LMBR1: variants seen among roughly 807,000 people sequenced by gnomAD.
LMBR1 encodes limb region 1 protein homolog.
A neutral mutation model predicts 73.9 loss-of-function variants in LMBR1; 52 were observed. The ratio of observed to expected loss-of-function variants is 0.70; its 90% CI spans 0.56 to 0.89. The LOEUF (loss-of-function observed/expected upper bound fraction) is 0.89. LMBR1 is among the 40% of genes least tolerant of loss of function. LMBR1 has a pLI of 0.00. For missense variants in LMBR1, 539 were observed against 579.8 expected (o/e 0.93, Z 0.72); for synonymous variants, 215 against 209.4 (o/e 1.03, Z -0.23).
intron 9 of LMBR1, among the ~76,000 whole-genome samples, chr7:156,746,926 T>C (rs955552987): frequency 5.9e-5 from 9 of 152,188 alleles, no homozygotes; most frequent in Non-Finnish European, 1.0e-4. Flanking sequence ...AGTGTCAGCA[T>C]TGTCTAGTCA....
intron 15 of LMBR1, among the ~76,000 whole-genome samples, chr7:156,710,006 G>A (rs1368538124): frequency 2.1e-5 from 3 of 141,816 alleles, no homozygotes; most frequent in Non-Finnish European, 4.5e-5. Flanking sequence ...CCGGGTTCAC[G>A]CCATTCTCCT....
intron 4 of LMBR1, among the ~76,000 whole-genome samples, chr7:156,820,804 C>T (rs1480924762): frequency 6.6e-6 from 1 of 152,182 alleles, no homozygotes; most frequent in Admixed American, 6.5e-5. Context: ...GGAGGGAAGG[C>T]TCTGCGGCAG....
chr7:156,858,516 C>G (rs529035408), intron 1 of LMBR1, among the ~76,000 whole-genome samples: 21 of 152,306 alleles, frequency 1.4e-4, no homozygotes, highest in African/African-American at 4.8e-4. Context: ...TCCAAAATAT[C>G]TTACAGATAA....
chr7:156,722,312 C>G (rs1237034854), intron 15 of LMBR1, among the ~76,000 whole-genome samples: 1 of 152,072 alleles, frequency 6.6e-6, no homozygotes, highest in Non-Finnish European at 1.5e-5. Flanking sequence ...GTCTTATAAG[C>G]TTTTCAGCTG....
chr7:156,744,128 G>A (rs1331548604), intron 9 of LMBR1, among the ~76,000 whole-genome samples: 5 of 151,984 alleles, frequency 3.3e-5, no homozygotes, highest in Non-Finnish European at 7.4e-5. Flanking sequence ...GGCTGGACTC[G>A]AACTTCTGGG....
At chr7:156,838,355 A>G (rs896926486) in intron 1 of LMBR1, among the ~76,000 whole-genome samples, 2 of 152,090 alleles carry the variant, frequency 1.3e-5, no homozygotes, top group African/African-American at 4.8e-5. Flanking sequence ...GTACCCTTTG[A>G]CCAACATCTC....
chr7:156,837,987 C>G (rs936162472), intron 1 of LMBR1, among the ~76,000 whole-genome samples: 2 of 151,994 alleles, frequency 1.3e-5, no homozygotes, highest in Non-Finnish European at 2.9e-5. Context: ...GGGGTTTTAC[C>G]ATGTTGGCCA....
At chr7:156,840,898 G>C (rs1253290223) in intron 1 of LMBR1, among the ~76,000 whole-genome samples, 1 of 148,316 alleles carries the variant, frequency 6.7e-6, no homozygotes, top group Admixed American at 6.8e-5. Context: ...CTGGGAGGCA[G>C]AGGTTGCAAT....
Position 156,866,094 on chromosome 7 carries a change from T to C in LMBR1, c.66+26834A>G, listed in dbSNP as rs543460957. Among the ~76,000 whole-genome samples the C allele has an allele frequency of 2.7e-5, 4 of 148,372 alleles. No homozygotes were observed. The South Asian group carries it at 8.4e-4, about 31-fold the overall frequency. On this transcript the variant is annotated intron_variant, in intron 1 of 16. Transcript: ENST00000353442. ...AAAAAAAAAAAATAGAGAAACTGAA[T>C]GTCAACAAAATTTAACTTTTGTCCT...
intron 15 of LMBR1, among the ~76,000 whole-genome samples, chr7:156,697,547 T>G (rs1036048113): frequency 1.3e-5 from 2 of 152,152 alleles, no homozygotes; most frequent in African/African-American, 4.8e-5. Context: ...CCCCCAGGAA[T>G]GCATTCTTTT....
intron 4 of LMBR1, among the ~76,000 whole-genome samples, chr7:156,804,782 C>A (rs981253646): frequency 2.6e-5 from 4 of 151,962 alleles, no homozygotes; most frequent in African/African-American, 9.7e-5. Flanking sequence ...TATTTTCTCC[C>A]AGTCTGTAGA....
At chr7:156,751,177 TAA>T (rs1291187657) in intron 9 of LMBR1, among the ~76,000 whole-genome samples, 1 of 151,946 alleles carries the variant, frequency 6.6e-6, no homozygotes, top group Non-Finnish European at 1.5e-5. Context: ...GGCAATATAC[TAA>T]AAGACTTAAC....
chr7:156,891,225 TATATATATACACAC>T (rs1309174985), intron 1 of LMBR1, among the ~76,000 whole-genome samples: 9 of 77,254 alleles, frequency 1.2e-4, no homozygotes, highest in African/African-American at 3.3e-4. Flanking sequence ...TATATATATA[TATATATATACACAC>T]ACACACACAC....
chr7:156,864,344 G>A (rs934000364), intron 1 of LMBR1, among the ~76,000 whole-genome samples: 4 of 152,012 alleles, frequency 2.6e-5, no homozygotes, highest in African/African-American at 9.7e-5. Context: ...TAAGTTAACA[G>A]CAGCCTATAT....
intron 1 of LMBR1, among the ~76,000 whole-genome samples, chr7:156,855,250 A>C (rs1299949562): frequency 1.3e-5 from 2 of 152,216 alleles, no homozygotes; most frequent in East Asian, 3.8e-4. Flanking sequence ...AATCAAATAT[A>C]CTGTAACAGA....
At chr7:156,770,111 T>C (rs1011662221) in intron 5 of LMBR1, among the ~76,000 whole-genome samples, 1 of 152,216 alleles carries the variant, frequency 6.6e-6, no homozygotes, top group Non-Finnish European at 1.5e-5. Flanking sequence ...TAATCCCTTA[T>C]AGGGAATATA....
rs35231167 is a variant in LMBR1 at position 156,855,666 on chromosome 7, C to CAA, written c.67-18783_67-18782dup. Among the ~76,000 whole-genome samples the CAA allele has an allele frequency of 2.1e-3, 182 of 87,262 alleles. 1 individual carries two copies. Among genetic ancestry groups the CAA allele is most frequent in the Non-Finnish European group, 3.2e-3 (142 of 44,948 alleles). The allele number at this position is 87,262 out of a possible 152,430, so 57.2% of individuals were successfully genotyped here. A position where few individuals can be genotyped will look rare whatever the true frequency, so the allele number is the denominator to read the frequency against. On this transcript the variant is annotated intron_variant, in intron 1 of 16. Transcript: ENST00000353442. The stretch of plus-strand genomic sequence containing the variant: ...CACAGACCAACAAACAACGTAAATA[C>CAA]AAAAAAAAAAAAAAAAAAAAACCTA...
At chr7:156,748,244 A>G (rs570823977) in intron 9 of LMBR1, among the ~76,000 whole-genome samples, 6 of 152,354 alleles carry the variant, frequency 3.9e-5, no homozygotes, top group African/African-American at 9.6e-5. Flanking sequence ...TAATGACTGC[A>G]AGATAGAAAT....
chr7:156,884,312 T>G (rs914254177), intron 1 of LMBR1, among the ~76,000 whole-genome samples: 1 of 151,738 alleles, frequency 6.6e-6, no homozygotes, highest in Admixed American at 6.6e-5. Flanking sequence ...ATCAACAATT[T>G]CAGAGAACAT....
Sources: allele counts gnomAD v4.1 joint callset (sites outside exome capture counted in the v4.1 genomes callset), GRCh38; gene constraint gnomAD v4.1.1; transcripts MANE v1.5; gene names NCBI Gene and HGNC (gene_info 2026-07-23, HGNC 2026-07-21).